Variants in ABLIM2 observed in about 807,000 individuals in gnomAD.
ABLIM2 encodes actin-binding LIM protein 2.
In ABLIM2, 53 loss-of-function variants were observed where a neutral mutation model predicts 97.7. That is an observed-to-expected ratio of 0.54 (90% CI 0.44 to 0.68). ABLIM2 has a LOEUF of 0.68. ABLIM2 is among the 30% of genes least tolerant of loss of function. The probability of loss-of-function intolerance (pLI) is 0.00; values close to 1 mark genes in which losing one functional copy is unlikely to be tolerated. For missense variants in ABLIM2, 835 were observed against 867.2 expected (o/e 0.96, Z 0.47); for synonymous variants, 361 against 345.8 (o/e 1.04, Z -0.49).
Position 8,103,616 on chromosome 4 carries a change from T to G in ABLIM2, c.154+2878A>C, listed in dbSNP as rs1322283501. On this transcript the variant is annotated intron_variant, in intron 2 of 20. Transcript: ENST00000447017. ...CATGGTCACTAATCATCTTGGGTGA[T>G]GGAGTGTGAGTCCCCAGCCCTGGGT... Among the ~76,000 whole-genome samples the G allele has an allele frequency of 2.0e-5, 3 of 152,158 alleles. No individual in the cohort carries two copies. The South Asian group carries it at 6.2e-4, about 31-fold the overall frequency.
rs1482902702 is a variant in ABLIM2, at chr4:8,083,810, G to A, written c.455-3008C>T. The stretch of plus-strand genomic sequence containing the variant: ...GCTGGCCACGTGCCCGTACATCCTG[G>A]TTGGCACTGCCATCAGCAGCAATGG... On this transcript the variant is annotated intron_variant, in intron 4 of 20. Transcript: ENST00000447017. This position sits in a 1 kb window ranked among gnomAD's most constrained non-coding sequence, Gnocchi z 4.6. Among the ~76,000 whole-genome samples, 2 of 152,196 alleles carry A rather than the reference G, an allele frequency of 1.3e-5. No individual in the cohort carries two copies. Among genetic ancestry groups the A allele is most frequent in the Non-Finnish European group, 2.9e-5 (2 of 68,030 alleles).
intron 20 of ABLIM2, among the ~76,000 whole-genome samples, chr4:7,973,112 T>TGTGTGTGTGTGTGTGTGTGTGTGTGG (rs1729570150): frequency 6.9e-6 from 1 of 145,956 alleles, no homozygotes; most frequent in Non-Finnish European, 1.5e-5. Flanking sequence ...TGTGTGTGTG[T>TGTGTGTGTGTGTGTGTGTGTGTGTGG]AGGGTGAGGG....
In ABLIM2 at chr4:7,966,347, G is replaced by C. The variant is rs1332107372; in HGVS notation, c.*643C>G. The C allele has an allele frequency of 6.5e-6, 1 of 152,724 alleles. No homozygotes were observed. The highest frequency in any genetic ancestry group is 1.5e-5 in the Non-Finnish European group (1 of 68,098). The allele number at this position is 152,724 out of a possible 1,614,324, so 9.5% of individuals were successfully genotyped here. A position where few individuals can be genotyped will look rare whatever the true frequency, so the allele number is the denominator to read the frequency against. On this transcript the variant is annotated 3_prime_UTR_variant, in exon 21 of 21. Transcript: ENST00000447017. ...TGTGTTACTTTAAAGATATTGTGTA[G>C]GCATCTAGGGGTCGATCTGGAGGAG...
In ABLIM2 at chr4:8,148,984, C is replaced by T. The variant is rs530644168; in HGVS notation, c.10+9696G>A. Among the ~76,000 whole-genome samples, 259 of 152,316 alleles carry T rather than the reference C, an allele frequency of 1.7e-3. 3 individuals carry two copies. The highest frequency in any genetic ancestry group is 2.9e-3 in the Non-Finnish European group (200 of 68,012). On this transcript the variant is annotated intron_variant, in intron 1 of 20. Coordinates refer to ENST00000447017, the MANE Select transcript of ABLIM2 (RefSeq NM_001130083.2). The surrounding 1 kb of genome is among the most constrained non-coding windows in gnomAD (Gnocchi z 6.7). ...TGTGCCAAGGCCCAGGGTCCCCAGA[C>T]ACTACGGAGAGTCAGGCCACGCTGA...
At position 8,004,608 on chromosome 4, in the gene ABLIM2, A is replaced by G. The variant is rs1045791674; in HGVS notation, c.1618+3451T>C. ...CCTCAAAAGAGAGGATGGGGCCTCA[A>G]GGGGCTAGGAATGTGGGACCCCAAG... On this transcript the variant is annotated intron_variant, in intron 16 of 20. Transcript: ENST00000447017. The surrounding 1 kb of genome is among the most constrained non-coding windows in gnomAD (Gnocchi z 5.9). Among the ~76,000 whole-genome samples, 9 of 152,086 alleles carry G rather than the reference A, an allele frequency of 5.9e-5. No individual in the cohort carries two copies. Among genetic ancestry groups the G allele is most frequent in the Admixed American group, 3.9e-4 (6 of 15,276 alleles).
At position 8,001,245 on chromosome 4, in the gene ABLIM2, C is replaced by T. The variant is rs1226319868; in HGVS notation, c.1618+6814G>A. 2.0e-5 allele frequency among the ~76,000 whole-genome samples: 3 copies of T among 152,166 alleles called. No homozygotes were observed. The stretch of plus-strand genomic sequence containing the variant: ...AGCATTGGAGGAGGACAGAGGAGGC[C>T]CTGGGGCTGTGGCTATGAGACAACA... On this transcript the variant is annotated intron_variant, in intron 16 of 20. Transcript: ENST00000447017. The surrounding 1 kb of genome is among the most constrained non-coding windows in gnomAD (Gnocchi z 4.2).
Position 8,061,316 on chromosome 4 carries a change from C to T in ABLIM2, c.676-262G>A, listed in dbSNP as rs1277722444. 6.6e-6 allele frequency among the ~76,000 whole-genome samples: 1 copy of T among 152,138 alleles called. No individual in the cohort carries two copies. Among genetic ancestry groups the T allele is most frequent in the Non-Finnish European group, 1.5e-5 (1 of 68,018 alleles). ...CCTGCAGGAGCCCAGCATGCAGCTC[C>T]CTGCCGGGGTAGTCCAGGAGGGGTC... On this transcript the variant is annotated intron_variant, in intron 6 of 20. Coordinates refer to ENST00000447017, the MANE Select transcript of ABLIM2 (RefSeq NM_001130083.2). This position sits in a 1 kb window ranked among gnomAD's most constrained non-coding sequence, Gnocchi z 4.5.
chr4:8,148,602 C>T lies in ABLIM2; in HGVS notation c.10+10078G>A, dbSNP rs1434442499. Among the ~76,000 whole-genome samples, 1 of 151,280 alleles carries T rather than the reference C, an allele frequency of 6.6e-6. No individual in the cohort carries two copies. Among genetic ancestry groups the T allele is most frequent in the African/African-American group, 2.4e-5 (1 of 40,868 alleles). On this transcript the variant is annotated intron_variant, in intron 1 of 20. Transcript: ENST00000447017. This position sits in a 1 kb window ranked among gnomAD's most constrained non-coding sequence, Gnocchi z 6.7. ...TAAGGATTATAGGGTGAAAGCACAT[C>T]GCGGTGCTGGGTCCACACTGGGGAA...
rs549895316 is a variant in ABLIM2, at chr4:8,050,752, C to G, written c.822+3436G>C. ...AGCGCCAGGCCCTCCGGACAGTTAGCTCCAAGGGGACCGAGATGTGTATGA... is the reference window on the plus strand; with the variant it reads ...AGCGCCAGGCCCTCCGGACAGTTAGGTCCAAGGGGACCGAGATGTGTATGA... On this transcript the variant is annotated intron_variant, in intron 8 of 20. Coordinates refer to ENST00000447017, the MANE Select transcript of ABLIM2 (RefSeq NM_001130083.2). Among the ~76,000 whole-genome samples the G allele has an allele frequency of 2.4e-4, 37 of 152,288 alleles. No homozygotes were observed. In the South Asian group the frequency reaches 4.8e-3, roughly 20 times the overall value.
intron 1 of ABLIM2, among the ~76,000 whole-genome samples, chr4:8,115,216 C>T (rs1038723721): frequency 2.0e-5 from 3 of 152,210 alleles, no homozygotes; most frequent in Non-Finnish European, 2.9e-5. Flanking sequence ...CCCCAAACTA[C>T]GACCTCCTGG....
chr4:8,097,218 C>T lies in ABLIM2; in HGVS notation c.219G>A (p.Leu73=). 6.3e-7 allele frequency: 1 copy of T among 1,585,116 alleles called. No homozygotes were observed. Among genetic ancestry groups the T allele is most frequent in the Non-Finnish European group, 8.6e-7 (1 of 1,166,614 alleles). The change falls in exon 3 of 21, where the codon CTG becomes CTA. Residue 73 remains leucine (L), a synonymous_variant. Transcript: ENST00000447017. ...GGGTGCCGTAGAGCCTCTGGTAGTC[C>T]AGCGTGCAGATGTACTCGCCCTGCC... ...FVRQGEYICT[L]DYQRLYGTRC... is the part of the protein sequence containing the mutation.
At chr4:8,031,417 T>C (rs891458801) in intron 10 of ABLIM2, among the ~76,000 whole-genome samples, 1 of 152,196 alleles carries the variant, frequency 6.6e-6, no homozygotes, top group African/African-American at 2.4e-5. Flanking sequence ...GATGAAAAGA[T>C]GCCCGGCCCC....
At chr4:7,977,721 G>A (rs942401914) in intron 20 of ABLIM2, among the ~76,000 whole-genome samples, 23 of 152,034 alleles carry the variant, frequency 1.5e-4, no homozygotes, top group African/African-American at 5.1e-4. Context: ...AACCCAGGAG[G>A]TGGAGGCTGC....
At chr4:8,070,754 G>A (rs1277933917) in intron 6 of ABLIM2, among the ~76,000 whole-genome samples, 1 of 152,152 alleles carries the variant, frequency 6.6e-6, no homozygotes, top group African/African-American at 2.4e-5. Context: ...GGGTCTAGAA[G>A]GGAGTGGTTG....
intron 3 of ABLIM2, 35 bp downstream of exon 3, chr4:8,097,064 C>T: frequency 6.4e-7 from 1 of 1,573,868 alleles, no homozygotes; most frequent in East Asian, 2.3e-5. Context: ...CCCAGAGAGG[C>T]AGGGGAAGCA....
chr4:8,108,844 C>G (rs1192260824), intron 1 of ABLIM2, among the ~76,000 whole-genome samples: 1 of 152,252 alleles, frequency 6.6e-6, no homozygotes, highest in Non-Finnish European at 1.5e-5. Context: ...TCCTTTATTT[C>G]CACAGCAGTC....
intron 9 of ABLIM2, among the ~76,000 whole-genome samples, chr4:8,042,857 A>T (rs1044863283): frequency 1.3e-5 from 2 of 150,720 alleles, no homozygotes; most frequent in East Asian, 3.9e-4. Context: ...AAAAAAAAAA[A>T]AGAACAGTGT....
At position 8,080,668 on chromosome 4, in the gene ABLIM2, C is replaced by G; in HGVS notation, c.581+8G>C. ...GGAGGCTCTCACTAGAGCCCTCCCC[C>G]CACTTACTTGCTGATGTACTCGGCA... On this transcript the variant is annotated splice_region_variant and intron_variant, in intron 5 of 20. Transcript: ENST00000447017. 1.3e-6 allele frequency: 2 copies of G among 1,597,332 alleles called. No homozygotes were observed. The highest frequency in any genetic ancestry group is 1.7e-6 in the Non-Finnish European group (2 of 1,169,034).
chr4:8,149,124 TA>T lies in ABLIM2; in HGVS notation c.10+9555del, dbSNP rs1217724558. Among the ~76,000 whole-genome samples, 1 of 152,168 alleles carries T rather than the reference TA, an allele frequency of 6.6e-6. No homozygotes were observed. Among genetic ancestry groups the T allele is most frequent in the Non-Finnish European group, 1.5e-5 (1 of 68,018 alleles). On this transcript the variant is annotated intron_variant, in intron 1 of 20. Transcript: ENST00000447017. The surrounding 1 kb of genome is among the most constrained non-coding windows in gnomAD (Gnocchi z 6.4). ...CCACTTCCGTGCCTCTTCCAGCTTC[TA>T]GGGGCACCCGAGTTTCTTGGTGTGG...
Sources: allele counts gnomAD v4.1 joint callset (sites outside exome capture counted in the v4.1 genomes callset), GRCh38; gene constraint gnomAD v4.1.1; non-coding constraint Gnocchi (gnomAD v3.1); transcripts MANE v1.5; gene names NCBI Gene and HGNC (gene_info 2026-07-23, HGNC 2026-07-21).